The following JAML variants were observed in gnomAD, a reference collection of about 807,000 sequenced individuals.
JAML encodes junction adhesion molecule like, also known as junctional adhesion molecule-like.
A neutral mutation model predicts 39.3 loss-of-function variants in JAML; 25 were observed. The observed-to-expected ratio is 0.64, with a 90% CI of 0.46 to 0.89. The LOEUF (loss-of-function observed/expected upper bound fraction) is 0.89, where lower values mean the gene tolerates loss of function less well. Ranked by LOEUF, JAML falls within the 40% of genes least tolerant of loss-of-function variation. The pLI is 0.00. For missense variants in JAML, 440 were observed against 486.9 expected (o/e 0.90, Z 0.91); for synonymous variants, 162 against 179.2 (o/e 0.90, Z 0.77).
chr11:118,199,259 G>A (rs1245086464), intron 7 of JAML, among the ~76,000 whole-genome samples: 2 of 152,196 alleles, frequency 1.3e-5, no homozygotes, highest in African/African-American at 4.8e-5. Context: ...TCCTTTGGCG[G>A]GAAACTGAGG....
intron 2 of JAML, chr11:118,212,825 A>G: frequency 1.9e-6 from 3 of 1,613,246 alleles, no homozygotes; most frequent in Non-Finnish European, 2.5e-6. Flanking sequence ...CTTTTCTGGA[A>G]TTCTTCCTCC....
chr11:118,206,433 A>G (rs979859301), intron 4 of JAML, among the ~76,000 whole-genome samples: 1 of 152,198 alleles, frequency 6.6e-6, no homozygotes, highest in Admixed American at 6.5e-5. Context: ...ATCATCTTAG[A>G]CACCAACATC....
chr11:118,208,621 C>A (rs1256252798), intron 4 of JAML, among the ~76,000 whole-genome samples: 3 of 152,164 alleles, frequency 2.0e-5, no homozygotes, highest in Non-Finnish European at 4.4e-5. Context: ...CGGGAAATGG[C>A]CCCAGATTCT....
chr11:118,218,808 A>G (rs76760614), intron 1 of JAML, among the ~76,000 whole-genome samples: 1 of 128,750 alleles, frequency 7.8e-6, no homozygotes, highest in Non-Finnish European at 1.5e-5. Flanking sequence ...TTTCAGTTTT[A>G]AAAAAAATCC....
Position 118,194,363 on chromosome 11 carries a change from AC to A in JAML, c.1146del (p.Lys382AsnfsTer79), listed in dbSNP as rs747105532. ...RSDRNNSLEK[K>X]SGGGMPKTQQ... is the part of the protein sequence containing the mutation. ...TGTGTTTTTGGCATTCCCCCACCTGACTTTTTTTCAAGTGAGTTGTTCCGAT... is the reference window on the plus strand; with the variant it reads ...TGTGTTTTTGGCATTCCCCCACCTGATTTTTTTCAAGTGAGTTGTTCCGAT... On this transcript the variant is annotated frameshift_variant, in exon 10 of 10. Coordinates refer to ENST00000356289, the MANE Select transcript of JAML (RefSeq NM_001098526.2). LOFTEE classifies it low-confidence loss of function (END_TRUNC). 1.2e-5 allele frequency: 19 copies of A among 1,613,752 alleles called. No individual in the cohort carries two copies. In the African/African-American group the frequency reaches 2.5e-4, roughly 22 times the overall value.
At chr11:118,209,079 T>C (rs987350590) in intron 4 of JAML, 1 of 264,930 alleles carries the variant, frequency 3.8e-6, no homozygotes, top group African/African-American at 2.2e-5. Context: ...CTCTCCACCC[T>C]TTCCTTTAGA....
In JAML at chr11:118,198,067, C is replaced by T; in HGVS notation, c.936G>A (p.Val312=). 1 of 1,614,160 alleles carries T rather than the reference C, an allele frequency of 6.2e-7. No homozygotes were observed. The highest frequency in any genetic ancestry group is 8.5e-7 in the Non-Finnish European group (1 of 1,179,988). The change falls in exon 8 of 10, where the codon GTG becomes GTA. Residue 312 remains valine, a synonymous_variant. Transcript: ENST00000356289. ...CTGGATTAGTCTTCTTCGTGTTCTT[C>T]ACCAAGACTGTAGAATTCACTGAAC... ...NKSSVNSTVL[V]KNTKKTNPEI...
intron 4 of JAML, among the ~76,000 whole-genome samples, chr11:118,207,693 A>G (rs1455006465): frequency 1.3e-5 from 2 of 152,124 alleles, no homozygotes; most frequent in Non-Finnish European, 1.5e-5. Context: ...AAGTTGGAGC[A>G]CGGTCCACTA....
chr11:118,213,168 T>C (rs1054413479), intron 2 of JAML: 2 of 1,400,436 alleles, frequency 1.4e-6, no homozygotes, highest in African/African-American at 1.4e-5. Context: ...TTCCAGCCTC[T>C]AGGTGCTTCA....
chr11:118,224,101 C>T (rs1949236475), intron 1 of JAML: 1 of 152,192 alleles, frequency 6.6e-6, no homozygotes, highest in South Asian at 2.1e-4. Flanking sequence ...TCCATATAAC[C>T]ACTCTAAGCC....
intron 4 of JAML, among the ~76,000 whole-genome samples, chr11:118,206,236 C>T (rs1356721326): frequency 1.3e-5 from 2 of 152,140 alleles, no homozygotes; most frequent in African/African-American, 4.8e-5. Context: ...ATGAGAATAC[C>T]CTCTAGCTGC....
At chr11:118,200,121 C>A (rs1382702867) in intron 7 of JAML, among the ~76,000 whole-genome samples, 1 of 152,030 alleles carries the variant, frequency 6.6e-6, no homozygotes, top group Admixed American at 6.6e-5. Flanking sequence ...AGCTTCTATG[C>A]GGAACGTACA....
At chr11:118,199,910 A>G (rs968221095) in intron 7 of JAML, among the ~76,000 whole-genome samples, 6 of 151,812 alleles carry the variant, frequency 4.0e-5, no homozygotes, top group Non-Finnish European at 7.4e-5. Context: ...GTTAGCAAGG[A>G]TGGTCTCGAT....
At chr11:118,203,947 G>T in intron 5 of JAML, 1 of 384,944 alleles carries the variant, frequency 2.6e-6, no homozygotes, top group Non-Finnish European at 4.9e-6. Context: ...TAAAAAAAAA[G>T]CAAAAGTATA....
chr11:118,215,825 A>C (rs1949133036), intron 1 of JAML, among the ~76,000 whole-genome samples: 1 of 152,146 alleles, frequency 6.6e-6, no homozygotes, highest in East Asian at 1.9e-4. Flanking sequence ...GTTCTACCAA[A>C]CACCCCCAAA....
rs144185693 is a variant in JAML at position 118,207,839 on chromosome 11, C to T, written c.425-1848G>A. Among the ~76,000 whole-genome samples the T allele has an allele frequency of 2.4e-4, 37 of 152,300 alleles. No homozygotes were observed. In the East Asian group the frequency reaches 7.1e-3, roughly 29 times the overall value. The stretch of plus-strand genomic sequence containing the variant: ...TAGCCTGTTTCCATGGATTCCTCAG[C>T]TCTTGAAATTGACTCCTTGTGGTTC... On this transcript the variant is annotated intron_variant, in intron 4 of 9. Transcript: ENST00000356289.
Position 118,197,988 on chromosome 11 carries a change from G to A in JAML, c.1005+10C>T, listed in dbSNP as rs754426158. On this transcript the variant is annotated intron_variant, in intron 8 of 9. Transcript: ENST00000356289. ...TCTACTTAGTGTTTTAGGCTGAAGC[G>A]TGTGTTCACCTCCCCTTCACATCTT... 5 of 1,611,332 alleles carry A rather than the reference G, an allele frequency of 3.1e-6. No individual in the cohort carries two copies. In the African/African-American group the frequency reaches 5.3e-5, roughly 17 times the overall value.
chr11:118,212,371 G>A (rs1191193529), intron 3 of JAML, 36 bp downstream of exon 3: 1 of 1,606,430 alleles, frequency 6.2e-7, no homozygotes. Flanking sequence ...AGCAGTCAGG[G>A]GCTTCTATTA....
At chr11:118,213,475 A>G (rs1949099677) in intron 2 of JAML, 1 of 200,144 alleles carries the variant, frequency 5.0e-6, no homozygotes, top group African/African-American at 2.4e-5. Context: ...AAAAGAAAAC[A>G]TCGACTCTAA....
Sources: gnomAD v4.1 joint callset for allele counts (sites outside exome capture counted in the v4.1 genomes callset) on GRCh38, gnomAD v4.1.1 for gene constraint, MANE v1.5 for transcripts, NCBI Gene and HGNC (gene_info 2026-07-23, HGNC 2026-07-21) for gene names.